The following MAGI2 variants were observed in gnomAD, a reference collection of about 807,000 sequenced individuals.
MAGI2 encodes membrane associated guanylate kinase, WW and PDZ domain containing 2, also known as membrane-associated guanylate kinase, WW and PDZ domain-containing protein 2.
A neutral mutation model predicts 133.3 loss-of-function variants in MAGI2; 35 were observed. The ratio of observed to expected loss-of-function variants is 0.26; its 90% confidence interval spans 0.20 to 0.35. The LOEUF is 0.35. Among genes scored for constraint, MAGI2 ranks in the 10% least tolerant of loss-of-function variants. MAGI2 has a pLI of 1.00. For synonymous variants in MAGI2, 729 were observed against 710.6 expected, an observed-to-expected ratio of 1.03 and a Z score of -0.41; for missense variants, 1,636 against 1,863.4, an observed-to-expected ratio of 0.88 and a Z score of 2.25.
At chr7:78,142,971 A>C (rs1822916368) in intron 16 of MAGI2, among the ~76,000 whole-genome samples, 1 of 152,208 alleles carries the variant, frequency 6.6e-6, no homozygotes, top group South Asian at 2.1e-4. Flanking sequence ...TCTGAATGTC[A>C]GGATGGAAAA....
At chr7:78,700,479 G>A (rs10245825) in intron 2 of MAGI2, among the ~76,000 whole-genome samples, 5,179 of 152,106 alleles carry the variant, frequency 0.034, 246 homozygotes, top group African/African-American at 0.11. Flanking sequence ...AAGAAAATAT[G>A]TGGTGTTTGA....
intron 2 of MAGI2, among the ~76,000 whole-genome samples, chr7:78,629,062 T>C (rs1413820798): frequency 2.6e-5 from 4 of 152,192 alleles, no homozygotes; most frequent in Middle Eastern, 3.4e-3. Context: ...GATCACAAGA[T>C]TGAGGGCAAT....
At chr7:78,739,839 A>G (rs1822222214) in intron 2 of MAGI2, among the ~76,000 whole-genome samples, 1 of 152,124 alleles carries the variant, frequency 6.6e-6, no homozygotes, top group African/African-American at 2.4e-5. Context: ...GCAGAGTGAA[A>G]TGTGCAGCCC....
intron 14 of MAGI2, among the ~76,000 whole-genome samples, chr7:78,171,213 C>T (rs1826079405): frequency 6.6e-6 from 1 of 152,192 alleles, no homozygotes; most frequent in African/African-American, 2.4e-5. Flanking sequence ...TCTATTATTT[C>T]CCCTTTGCCA....
At chr7:78,080,109 G>A (rs770687371) in intron 20 of MAGI2, among the ~76,000 whole-genome samples, 6 of 152,176 alleles carry the variant, frequency 3.9e-5, no homozygotes, top group Non-Finnish European at 8.8e-5. Flanking sequence ...CTGCAGGCTG[G>A]CTGAGAATAG....
intron 7 of MAGI2, among the ~76,000 whole-genome samples, chr7:78,361,431 T>TC (rs376218810): frequency 3.1e-5 from 4 of 129,454 alleles, no homozygotes; most frequent in Non-Finnish European, 5.0e-5. Flanking sequence ...ACAACCCCCC[T>TC]CCCCCCCACA....
At chr7:79,319,044 A>G (rs906284556) in intron 1 of MAGI2, among the ~76,000 whole-genome samples, 4 of 152,176 alleles carry the variant, frequency 2.6e-5, no homozygotes, top group Admixed American at 6.6e-5. Flanking sequence ...AGGGTTCTTA[A>G]AGCGAGATGT....
intron 9 of MAGI2, among the ~76,000 whole-genome samples, chr7:78,316,098 C>G (rs531567697): frequency 5.3e-5 from 8 of 152,190 alleles, no homozygotes; most frequent in Non-Finnish European, 1.2e-4. Context: ...AGAGAATGAT[C>G]TATGATACTT....
chr7:78,687,969 TAAAAAAAAAAAAAAAAAAA>T (rs72030909), intron 2 of MAGI2, among the ~76,000 whole-genome samples: 1 of 67,244 alleles, frequency 1.5e-5, no homozygotes, highest in African/African-American at 5.2e-5. Context: ...GTCCTTGCCT[TAAAAAAAAAAAAAAAAAAA>T]AAAAAAAAAA....
In MAGI2 at chr7:78,292,422, T is replaced by G. The variant is rs566495445; in HGVS notation, c.1409-35841A>C. On this transcript the variant is annotated intron_variant, in intron 9 of 21. Transcript: ENST00000354212. ...AGGAGAACTACAAACCACTGCTCAA[T>G]GAAATAAAAGAGGACACAAACAAAT... is the stretch of plus-strand genomic sequence containing the variant. Among the ~76,000 whole-genome samples the G allele has an allele frequency of 2.5e-3, 380 of 151,910 alleles. 6 individuals carry two copies. Among genetic ancestry groups the G allele is most frequent in the Admixed American group, 0.019 (296 of 15,254 alleles).
At chr7:78,647,324 A>G (rs1341690613) in intron 2 of MAGI2, among the ~76,000 whole-genome samples, 4 of 152,354 alleles carry the variant, frequency 2.6e-5, no homozygotes, top group Non-Finnish European at 1.5e-5. Flanking sequence ...CCCATCAGAA[A>G]GTGGGCAAAG....
chr7:79,183,735 T>C (rs1002437342), intron 1 of MAGI2, among the ~76,000 whole-genome samples: 12 of 151,868 alleles, frequency 7.9e-5, no homozygotes, highest in African/African-American at 2.9e-4. Context: ...GGAATCAACT[T>C]AAGTGTCCAT....
chr7:78,556,038 ATGTTAG>A (rs1799792999), intron 3 of MAGI2, among the ~76,000 whole-genome samples: 1 of 152,156 alleles, frequency 6.6e-6, no homozygotes. Flanking sequence ...AATTCAATAT[ATGTTAG>A]CATATCTGGA....
intron 21 of MAGI2, among the ~76,000 whole-genome samples, chr7:78,028,336 G>A (rs1809168529): frequency 6.6e-6 from 1 of 152,148 alleles, no homozygotes; most frequent in Non-Finnish European, 1.5e-5. Flanking sequence ...TTTGCTTATT[G>A]AAGCTTCACA....
chr7:79,380,992 T>C (rs1057049665), intron 1 of MAGI2, among the ~76,000 whole-genome samples: 1 of 151,812 alleles, frequency 6.6e-6, no homozygotes, highest in Non-Finnish European at 1.5e-5. Context: ...ACTGATACTT[T>C]AGACTGTGCC....
intron 4 of MAGI2, among the ~76,000 whole-genome samples, chr7:78,511,550 A>AT (rs1563103743): frequency 1.4e-4 from 15 of 106,762 alleles, no homozygotes; most frequent in African/African-American, 5.3e-4. Context: ...TATATATATA[A>AT]ATTTTTTTTT....
chr7:78,604,195 C>A (rs1181742230), intron 3 of MAGI2, among the ~76,000 whole-genome samples: 1 of 151,920 alleles, frequency 6.6e-6, no homozygotes, highest in Admixed American at 6.6e-5. Context: ...ATATTGGGGA[C>A]AGGGAAGTAT....
At chr7:78,462,923 G>A (rs758407873) in intron 6 of MAGI2, among the ~76,000 whole-genome samples, 16 of 152,158 alleles carry the variant, frequency 1.1e-4, no homozygotes, top group Middle Eastern at 6.3e-3. Flanking sequence ...TTCAGCACAC[G>A]CAAGTGAACC....
At chr7:78,966,098 C>T (rs1041351168) in intron 2 of MAGI2, among the ~76,000 whole-genome samples, 1 of 152,030 alleles carries the variant, frequency 6.6e-6, no homozygotes, top group African/African-American at 2.4e-5. Flanking sequence ...CTAGGTTAAC[C>T]TGAATCTCTC....
Sources: allele counts gnomAD v4.1 joint callset (sites outside exome capture counted in the v4.1 genomes callset), GRCh38; gene constraint gnomAD v4.1.1; transcripts MANE v1.5; gene names NCBI Gene and HGNC (gene_info 2026-07-23, HGNC 2026-07-21).